The following ACOT12 variants were observed in gnomAD, a reference collection of about 807,000 sequenced individuals.
ACOT12 encodes the protein acyl-CoA thioesterase 12, also known as acetyl-coenzyme A thioesterase.
In ACOT12, 51 loss-of-function variants were observed where a neutral mutation model predicts 67.7. The ratio of observed to expected loss-of-function variants is 0.75; its 90% CI spans 0.60 to 0.95. ACOT12 has a LOEUF of 0.95. Among genes scored for constraint, ACOT12 ranks in the 40% least tolerant of loss-of-function variants. The probability of loss-of-function intolerance (pLI) is 0.00; values close to 1 mark genes in which losing one functional copy is unlikely to be tolerated. For synonymous variants in ACOT12, 251 were observed against 244.6 expected (o/e 1.03, Z -0.24); for missense variants, 734 against 708.1 (o/e 1.04, Z -0.41).
chr5:81,379,088 C>T (rs1005554408), intron 2 of ACOT12, among the ~76,000 whole-genome samples: 1 of 152,086 alleles, frequency 6.6e-6, no homozygotes, highest in Non-Finnish European at 1.5e-5. Flanking sequence ...CCCAAATGCC[C>T]ATCAATGATA....
Position 81,394,130 on chromosome 5 carries a change from GC to G in ACOT12, c.-17del. 7.1e-7 allele frequency: 1 copy of G among 1,414,446 alleles called. No individual in the cohort carries two copies. The allele number at this position is 1,414,446 out of a possible 1,614,324, so 87.6% of individuals were successfully genotyped here. ...GCCGCTCCATGGCCAGGGCGAGAGC[GC>G]TACGCCTGCGGCCCCCGACACCCCA... On this transcript the variant is annotated 5_prime_UTR_variant, in exon 1 of 15. Coordinates refer to ENST00000307624, the MANE Select transcript of ACOT12 (RefSeq NM_130767.3).
At chr5:81,361,260 T>C (rs1759900466) in intron 4 of ACOT12, among the ~76,000 whole-genome samples, 1 of 151,710 alleles carries the variant, frequency 6.6e-6, no homozygotes, top group African/African-American at 2.4e-5. Context: ...TTGCCCAGGC[T>C]GGAGCACAGT....
chr5:81,313,966 C>G, the ACOT12 span, among the ~76,000 whole-genome samples: 1 of 152,158 alleles, frequency 6.6e-6, no homozygotes, highest in Admixed American at 6.5e-5. Flanking sequence ...TCCGAACGCA[C>G]CCAGATTTAT....
chr5:81,359,823 A>G (rs1759844343), intron 5 of ACOT12, 80 bp downstream of exon 5: 2 of 1,438,484 alleles, frequency 1.4e-6, no homozygotes, highest in East Asian at 4.7e-5. Flanking sequence ...TAATAAGGTG[A>G]AAATAAGTGT....
Position 81,394,025 on chromosome 5 carries a change from C to T in ACOT12, c.90G>A (p.Gln30=). Residue 30 remains glutamine (Q), a synonymous_variant, in exon 1 of 15, where the codon CAG becomes CAA. Coordinates refer to ENST00000307624, the MANE Select transcript of ACOT12 (RefSeq NM_130767.3). ...CGGTGGTGTCGATCCACTTGAGCAGCTGCCCCGCGCTCAGCTCGCCGCGCG... is the reference window on the plus strand; with the variant it reads ...CGGTGGTGTCGATCCACTTGAGCAGTTGCCCCGCGCTCAGCTCGCCGCGCG... ...ATARGELSAG[Q]LLKWIDTTAC... 1 of 1,462,310 alleles carries T rather than the reference C, an allele frequency of 6.8e-7. No homozygotes were observed. Among genetic ancestry groups the T allele is most frequent in the East Asian group, 3.0e-5 (1 of 33,874 alleles). 90.6% of individuals were successfully genotyped at this position (1,462,310 alleles called of 1,614,324 possible). A position where few individuals can be genotyped will look rare whatever the true frequency, so the allele number is the denominator to read the frequency against.
At chr5:81,313,766 T>C in the ACOT12 span, among the ~76,000 whole-genome samples, 1 of 152,204 alleles carries the variant, frequency 6.6e-6, no homozygotes, top group Non-Finnish European at 1.5e-5. Flanking sequence ...AACACTTTTC[T>C]CTGTTTTCAT....
At chr5:81,387,395 T>C (rs185457777) in intron 1 of ACOT12, among the ~76,000 whole-genome samples, 2 of 152,332 alleles carry the variant, frequency 1.3e-5, no homozygotes, top group African/African-American at 4.8e-5. Flanking sequence ...CTTGCAAATA[T>C]ATGCTTAAAT....
At chr5:81,363,658 T>C (rs1032132126) in intron 4 of ACOT12, 130 bp downstream of exon 4, 1 of 581,704 alleles carries the variant, frequency 1.7e-6, no homozygotes, top group African/African-American at 1.9e-5. Context: ...TAAATATTGG[T>C]GAATAACAAA....
At chr5:81,368,923 T>C (rs1760161931) in intron 3 of ACOT12, among the ~76,000 whole-genome samples, 1 of 150,612 alleles carries the variant, frequency 6.6e-6, no homozygotes, top group African/African-American at 2.4e-5. Flanking sequence ...AAAAAAAGGG[T>C]ACTGACCTGA....
intron 2 of ACOT12, 128 bp from the exon 3 acceptor site, chr5:81,371,938 C>T (rs7727053): frequency 5.3e-6 from 4 of 747,732 alleles, no homozygotes; most frequent in Admixed American, 5.1e-5. Flanking sequence ...TTCATGCATG[C>T]GAAATTCAGG....
At chr5:81,372,039 C>G (rs1300409708) in intron 2 of ACOT12, among the ~76,000 whole-genome samples, 2 of 152,148 alleles carry the variant, frequency 1.3e-5, no homozygotes, top group Non-Finnish European at 1.5e-5. Context: ...AATATTTAAA[C>G]AGAAAAGAGA....
intron 8 of ACOT12, 53 bp from the exon 9 acceptor site, chr5:81,344,268 C>T: frequency 6.5e-7 from 1 of 1,534,412 alleles, no homozygotes; most frequent in South Asian, 1.2e-5. Context: ...TATCTACTAT[C>T]TTAGTGCTAT....
intron 2 of ACOT12, among the ~76,000 whole-genome samples, chr5:81,382,802 CA>C (rs34443861): frequency 3.7e-3 from 442 of 119,404 alleles, no homozygotes; most frequent in Non-Finnish European, 3.8e-3. Context: ...AACTCTGTCT[CA>C]AAAAAAAAAA....
chr5:81,318,195 T>C, the ACOT12 span, among the ~76,000 whole-genome samples: 1 of 152,140 alleles, frequency 6.6e-6, no homozygotes, highest in Non-Finnish European at 1.5e-5. Flanking sequence ...TAATTCAATT[T>C]TAATTACTTT....
At chr5:81,320,881 C>T in the ACOT12 span, among the ~76,000 whole-genome samples, 1 of 152,254 alleles carries the variant, frequency 6.6e-6, no homozygotes, top group African/African-American at 2.4e-5. Context: ...TTATTTCTTA[C>T]AGTTCTGGAG....
chr5:81,375,842 G>C (rs997899267), intron 2 of ACOT12, among the ~76,000 whole-genome samples: 7 of 152,226 alleles, frequency 4.6e-5, no homozygotes, highest in African/African-American at 1.7e-4. Context: ...CATAGAGAAA[G>C]TTCTTAGAGA....
chr5:81,316,184 T>G, the ACOT12 span, among the ~76,000 whole-genome samples: 1 of 152,212 alleles, frequency 6.6e-6, no homozygotes, highest in Non-Finnish European at 1.5e-5. Context: ...ACGATAAAAT[T>G]CACACTTTTA....
At chr5:81,320,034 A>G in the ACOT12 span, among the ~76,000 whole-genome samples, 2 of 152,206 alleles carry the variant, frequency 1.3e-5, no homozygotes, top group Non-Finnish European at 2.9e-5. Context: ...GAATGTGAAG[A>G]TAGAGAGAAA....
intron 5 of ACOT12, among the ~76,000 whole-genome samples, chr5:81,353,444 C>A (rs73126062): frequency 1.3e-5 from 2 of 152,046 alleles, no homozygotes; most frequent in Admixed American, 6.5e-5. Flanking sequence ...GTGTCATCAA[C>A]CTGCTTTGAC....
Sources: gnomAD v4.1 joint callset for allele counts (sites outside exome capture counted in the v4.1 genomes callset) on GRCh38, gnomAD v4.1.1 for gene constraint, MANE v1.5 for transcripts, NCBI Gene and HGNC (gene_info 2026-07-23, HGNC 2026-07-21) for gene names.